The following THOC1 variants were observed in gnomAD, a reference collection of about 807,000 sequenced individuals.
THOC1 encodes the protein THO complex subunit 1.
Under a neutral mutation model 97.3 loss-of-function variants are expected in THOC1, and 29 were observed. The observed-to-expected ratio is 0.30, with a 90% CI of 0.22 to 0.41. The LOEUF (loss-of-function observed/expected upper bound fraction) is 0.41, where lower values mean the gene tolerates loss of function less well. Among genes scored for constraint, THOC1 ranks in the 10% least tolerant of loss-of-function variants. The pLI, the probability that THOC1 is intolerant of heterozygous loss-of-function variation, is 1.00. For synonymous variants in THOC1, 255 were observed against 257.0 expected, an observed-to-expected ratio of 0.99 and a Z score of 0.07; for missense variants, 529 against 761.9, an observed-to-expected ratio of 0.69 and a Z score of 3.60.
intron 17 of THOC1, among the ~76,000 whole-genome samples, chr18:223,207 T>C (rs1911153046): frequency 1.3e-5 from 2 of 152,318 alleles, no homozygotes; most frequent in African/African-American, 2.4e-5. Flanking sequence ...AGGCTTACTC[T>C]TCTGTTTGTA....
rs984954459 is a variant in THOC1, at chr18:266,608, G to C, written c.55-1078C>G. ...GGTGTTGTGCACTGGCATGATCTTG[G>C]CTCACTGCAACCTCCGCTGTCCGGG... On this transcript the variant is annotated intron_variant, in intron 1 of 20. Transcript: ENST00000261600. Among the ~76,000 whole-genome samples, 5 of 148,124 alleles carry C rather than the reference G, an allele frequency of 3.4e-5. No individual in the cohort carries two copies. In the Admixed American group the frequency reaches 3.5e-4, roughly 10 times the overall value.
At chr18:229,413 G>A (rs1911405186) in intron 11 of THOC1, among the ~76,000 whole-genome samples, 1 of 152,160 alleles carries the variant, frequency 6.6e-6, no homozygotes, top group Non-Finnish European at 1.5e-5. Flanking sequence ...TGGGTGTGGT[G>A]GTTCACGCCT....
chr18:255,986 CTT>C (rs1781565063), intron 7 of THOC1, among the ~76,000 whole-genome samples: 1 of 152,196 alleles, frequency 6.6e-6, no homozygotes, highest in Admixed American at 6.5e-5. Flanking sequence ...ACTGTTGAGA[CTT>C]AACTGCTCAG....
intron 11 of THOC1, among the ~76,000 whole-genome samples, chr18:243,942 C>A (rs983199668): frequency 2.6e-5 from 4 of 152,068 alleles, no homozygotes; most frequent in African/African-American, 9.7e-5. Flanking sequence ...CTCCTCCTTT[C>A]TCTTCCTTTT....
intron 7 of THOC1, 145 bp downstream of exon 7, chr18:259,035 T>C: frequency 1.6e-6 from 1 of 629,696 alleles, no homozygotes; most frequent in Non-Finnish European, 2.8e-6. Context: ...TATACATTTA[T>C]AAGTAAAAGA....
intron 17 of THOC1, among the ~76,000 whole-genome samples, chr18:221,576 G>A (rs183173257): frequency 1.4e-4 from 21 of 148,710 alleles, no homozygotes; most frequent in Non-Finnish European, 1.0e-4. Flanking sequence ...TTATTTTTAA[G>A]GTATATTTCT....
At chr18:243,890 T>C (rs1039415349) in intron 11 of THOC1, among the ~76,000 whole-genome samples, 24 of 152,280 alleles carry the variant, frequency 1.6e-4, no homozygotes, top group African/African-American at 5.5e-4. Context: ...TCTTATTAGG[T>C]ATATTAAATC....
rs373528320 is a variant in THOC1 at position 241,085 on chromosome 18, T to C, written c.918+5239A>G. ...TAAATACAGATGAAGCTTCGCTTGCTTGCCCACTGCTCACCTCCTGCTGTG... is the reference window on the plus strand; with the variant it reads ...TAAATACAGATGAAGCTTCGCTTGCCTGCCCACTGCTCACCTCCTGCTGTG... On this transcript the variant is annotated intron_variant, in intron 11 of 20. Coordinates refer to ENST00000261600, the MANE Select transcript of THOC1 (RefSeq NM_005131.3). Among the ~76,000 whole-genome samples the C allele has an allele frequency of 8.5e-5, 13 of 152,156 alleles. No individual in the cohort carries two copies. The East Asian group carries it at 1.9e-3, about 23-fold the overall frequency.
chr18:223,398 C>G, intron 17 of THOC1, 42 bp downstream of exon 17: 1 of 1,490,076 alleles, frequency 6.7e-7, no homozygotes, highest in Non-Finnish European at 9.1e-7. Flanking sequence ...CTACTCAACA[C>G]TTGACAAAAG....
rs1489254474 is a variant in THOC1 at position 226,724 on chromosome 18, C to T, written c.1019+77G>A. The T allele has an allele frequency of 2.8e-6, 3 of 1,072,502 alleles. No homozygotes were observed. The African/African-American group carries it at 4.8e-5, about 17-fold the overall frequency. 66.4% of individuals were successfully genotyped at this position (1,072,502 alleles called of 1,614,324 possible). On this transcript the variant is annotated intron_variant, in intron 12 of 20. Transcript: ENST00000261600. ...AGCCTTAACATGAAATGGACACATA[C>T]ATAAGAAAAATCGTAAGCAAGTCCT...
In THOC1 at chr18:254,628, C is replaced by G. The variant is rs961326903; in HGVS notation, c.521-273G>C. Among the ~76,000 whole-genome samples, 4 of 152,128 alleles carry G rather than the reference C, an allele frequency of 2.6e-5. No homozygotes were observed. Among genetic ancestry groups the G allele is most frequent in the Non-Finnish European group, 5.9e-5 (4 of 68,028 alleles). On this transcript the variant is annotated intron_variant, in intron 7 of 20. Coordinates refer to ENST00000261600, the MANE Select transcript of THOC1 (RefSeq NM_005131.3). This position sits in a 1 kb window ranked among gnomAD's most constrained non-coding sequence, Gnocchi z 4.1. The stretch of plus-strand genomic sequence containing the variant: ...GTGCAAGTCTATCAGCACCATTTTT[C>G]CAACAGCATATGCTCACTTCCTCTG...
intron 4 of THOC1, among the ~76,000 whole-genome samples, chr18:262,327 TGAATA>T (rs1243125249): frequency 2.6e-5 from 4 of 152,210 alleles, no homozygotes; most frequent in African/African-American, 4.8e-5. Context: ...CATCTCACAC[TGAATA>T]GAAGCTCAAT....
chr18:217,978 G>C (rs1020230271), intron 18 of THOC1, among the ~76,000 whole-genome samples: 4 of 152,180 alleles, frequency 2.6e-5, no homozygotes, highest in Non-Finnish European at 5.9e-5. Flanking sequence ...CTCACTGGGA[G>C]ATTTTAAGCA....
chr18:223,081 T>C (rs1003088181), intron 17 of THOC1, among the ~76,000 whole-genome samples: 2 of 152,144 alleles, frequency 1.3e-5, no homozygotes, highest in Non-Finnish European at 2.9e-5. Context: ...TAGACTGCTA[T>C]TAAACTTGCC....
At chr18:218,164 A>G (rs1298532354) in intron 18 of THOC1, among the ~76,000 whole-genome samples, 1 of 152,196 alleles carries the variant, frequency 6.6e-6, no homozygotes, top group Non-Finnish European at 1.5e-5. Flanking sequence ...GCACTGTCTT[A>G]TTTAATCCTC....
At chr18:214,980 A>C in intron 20 of THOC1, 59 bp from the exon 21 acceptor site, 1 of 1,518,600 alleles carries the variant, frequency 6.6e-7, no homozygotes, top group South Asian at 1.2e-5. Flanking sequence ...AGAAATGGAA[A>C]GCTATGGGGC....
At position 247,831 on chromosome 18, in the gene THOC1, C is replaced by T; in HGVS notation, c.786+18G>A. 6.8e-7 allele frequency: 1 copy of T among 1,474,618 alleles called. No individual in the cohort carries two copies. The highest frequency in any genetic ancestry group is 9.4e-7 in the Non-Finnish European group (1 of 1,058,452). The allele number at this position is 1,474,618 out of a possible 1,614,324, so 91.3% of individuals were successfully genotyped here. A position where few individuals can be genotyped will look rare whatever the true frequency, so the allele number is the denominator to read the frequency against. On this transcript the variant is annotated intron_variant, in intron 10 of 20. Transcript: ENST00000261600. ...TATAAAATACTGGGCTTCTGATAGT[C>T]TGTCAATGGCAACTTACCTTGAGAA...
intron 11 of THOC1, among the ~76,000 whole-genome samples, chr18:241,616 C>G (rs1047506064): frequency 1.3e-5 from 2 of 152,184 alleles, no homozygotes; most frequent in African/African-American, 4.8e-5. Context: ...GTGTATTATT[C>G]TGAAGGACTG....
chr18:221,899 C>T (rs889263704), intron 17 of THOC1, among the ~76,000 whole-genome samples: 12 of 152,124 alleles, frequency 7.9e-5, no homozygotes, highest in South Asian at 4.1e-4. Context: ...TGAGCCACCG[C>T]GCCTGGCCGA....
Sources: gnomAD v4.1 joint callset for allele counts (sites outside exome capture counted in the v4.1 genomes callset) on GRCh38, gnomAD v4.1.1 for gene constraint, Gnocchi (gnomAD v3.1) non-coding constraint, MANE v1.5 for transcripts, NCBI Gene and HGNC (gene_info 2026-07-23, HGNC 2026-07-21) for gene names.